ASB3: variants seen among roughly 807,000 people sequenced by gnomAD.
The protein encoded by ASB3 is ankyrin repeat and SOCS box containing 3, also known as ankyrin repeat and SOCS box protein 3.
In ASB3, 41 loss-of-function variants were observed where a neutral mutation model predicts 54.5. The observed-to-expected ratio is 0.75, with a 90% CI of 0.59 to 0.98. ASB3 has a LOEUF of 0.98. Among genes scored for constraint, ASB3 ranks in the 50% least tolerant of loss-of-function variants. The pLI, the probability that ASB3 is intolerant of heterozygous loss-of-function variation, is 0.00. For missense variants in ASB3, 733 were observed against 620.0 expected (o/e 1.18, Z -1.94); for synonymous variants, 266 against 221.2 (o/e 1.20, Z -1.80).
chr2:53,769,640 A>T (rs1673751433), intron 1 of ASB3, among the ~76,000 whole-genome samples: 1 of 152,216 alleles, frequency 6.6e-6, no homozygotes, highest in Admixed American at 6.5e-5. Flanking sequence ...TGAGGTCGGG[A>T]GTTCAACACC....
chr2:53,741,653 G>A (rs1472144037), intron 3 of ASB3, among the ~76,000 whole-genome samples: 1 of 152,060 alleles, frequency 6.6e-6, no homozygotes, highest in African/African-American at 2.4e-5. Flanking sequence ...CCATATACTA[G>A]AATTCAAATT....
At chr2:53,687,852 G>T (rs751195922) in intron 9 of ASB3, among the ~76,000 whole-genome samples, 1 of 152,128 alleles carries the variant, frequency 6.6e-6, no homozygotes, top group African/African-American at 2.4e-5. Flanking sequence ...ATCAGGCTCT[G>T]TCATCCAGGC....
At chr2:53,754,225 C>A (rs1241807168) in intron 2 of ASB3, among the ~76,000 whole-genome samples, 1 of 152,094 alleles carries the variant, frequency 6.6e-6, no homozygotes, top group Non-Finnish European at 1.5e-5. Context: ...ACAATGAGTT[C>A]ATGCAGATAT....
chr2:53,685,340 A>G (rs1195598798), intron 9 of ASB3, among the ~76,000 whole-genome samples: 2 of 152,224 alleles, frequency 1.3e-5, no homozygotes, highest in African/African-American at 4.8e-5. Flanking sequence ...AGAACTGACC[A>G]TATATGGTAA....
At chr2:53,718,193 C>G (rs984715736) in intron 5 of ASB3, among the ~76,000 whole-genome samples, 2 of 152,128 alleles carry the variant, frequency 1.3e-5, no homozygotes, top group Non-Finnish European at 2.9e-5. Context: ...ACAGAGAACT[C>G]TCTGTGAACG....
At chr2:53,753,400 T>C (rs1672635681) in intron 2 of ASB3, among the ~76,000 whole-genome samples, 1 of 152,076 alleles carries the variant, frequency 6.6e-6, no homozygotes, top group African/African-American at 2.4e-5. Flanking sequence ...AGGTTACATA[T>C]AAGGAAAGAG....
In ASB3 at chr2:53,765,543, C is replaced by T. The variant is rs767746282; in HGVS notation, c.30G>A (p.Thr10=). 20 of 1,614,180 alleles carry T rather than the reference C, an allele frequency of 1.2e-5. No individual in the cohort carries two copies. The highest frequency in any genetic ancestry group is 1.2e-4 in the Admixed American group (7 of 60,020). MDFTEAYAD[T]CSTVGLAARE... ...TGGCAGCAAGTCCAACTGTAGAGCA[C>T]GTGTCCGCGTAAGCCTCTGTAAAAT... The change falls in exon 2 of 10, where the codon ACG becomes ACA. Residue 10 remains threonine (T), a synonymous_variant. Transcript: ENST00000263634.
chr2:53,748,152 G>A (rs371024719), intron 3 of ASB3: 1 of 152,112 alleles, frequency 6.6e-6, no homozygotes. Flanking sequence ...ACCCACACAA[G>A]GCTTAGTATA....
At chr2:53,736,002 A>G (rs1428801834) in intron 3 of ASB3, among the ~76,000 whole-genome samples, 5 of 151,840 alleles carry the variant, frequency 3.3e-5, no homozygotes, top group Non-Finnish European at 7.4e-5. Flanking sequence ...ACCTTCTAAA[A>G]AAAAAAAAAA....
At chr2:53,754,261 G>A (rs913647215) in intron 2 of ASB3, among the ~76,000 whole-genome samples, 4 of 152,030 alleles carry the variant, frequency 2.6e-5, no homozygotes, top group African/African-American at 9.7e-5. Flanking sequence ...TAAATTAACG[G>A]GAGAGAAGAG....
chr2:53,716,714 T>G lies in ASB3; in HGVS notation c.634A>C (p.Lys212Gln). ...GANVNCQALD[K>Q]ATPLFIAAQE... ...GCAGCAATGAACAAGGGTGTAGCTT[T>G]GTCCAAGGCTTGACAATTGACATTT... The change falls in exon 6 of 10, where the codon AAA becomes CAA. Residue 212 changes from lysine (K) to glutamine (Q), a missense_variant. Coordinates refer to ENST00000263634, the MANE Select transcript of ASB3 (RefSeq NM_016115.5). The G allele has an allele frequency of 6.2e-7, 1 of 1,613,806 alleles. No homozygotes were observed. The highest frequency in any genetic ancestry group is 8.5e-7 in the Non-Finnish European group (1 of 1,179,790).
chr2:53,710,646 T>G (rs1204935966), intron 7 of ASB3, among the ~76,000 whole-genome samples: 1 of 152,228 alleles, frequency 6.6e-6, no homozygotes, highest in Non-Finnish European at 1.5e-5. Context: ...GCTTTTTGGT[T>G]TGTTTATTTC....
intron 9 of ASB3, among the ~76,000 whole-genome samples, chr2:53,690,644 G>A (rs1355243366): frequency 6.6e-6 from 1 of 151,844 alleles, no homozygotes; most frequent in African/African-American, 2.4e-5. Context: ...CAACAGACAA[G>A]TATCAAATTC....
At chr2:53,674,582 T>G (rs535059640) in intron 9 of ASB3, among the ~76,000 whole-genome samples, 10 of 152,334 alleles carry the variant, frequency 6.6e-5, no homozygotes, top group African/African-American at 1.9e-4. Context: ...ACACCCACTA[T>G]ATTTTCTACA....
chr2:53,776,141 A>T (rs1400681954), intron 1 of ASB3, among the ~76,000 whole-genome samples: 1 of 152,230 alleles, frequency 6.6e-6, no homozygotes, highest in East Asian at 1.9e-4. Flanking sequence ...ATTAGTACAG[A>T]AGTTTTTCAC....
At position 53,705,587 on chromosome 2, in the gene ASB3, G is replaced by A. The variant is rs867183014; in HGVS notation, c.981-5059C>T. Among the ~76,000 whole-genome samples, 14 of 152,116 alleles carry A rather than the reference G, an allele frequency of 9.2e-5. No homozygotes were observed. In the South Asian group the frequency reaches 1.0e-3, roughly 11 times the overall value. ...AGTTTATCCTGTTTGGGTTTAACAG[G>A]CCTCTTAAATCTGTAAATTTATATC... is the stretch of plus-strand genomic sequence containing the variant. On this transcript the variant is annotated intron_variant, in intron 7 of 9. Coordinates refer to ENST00000263634, the MANE Select transcript of ASB3 (RefSeq NM_016115.5).
In ASB3 at chr2:53,765,500, C is replaced by CTT. The variant is rs772845959; in HGVS notation, c.71_72dup (p.Val25LysfsTer3). The CTT allele has an allele frequency of 6.2e-7, 1 of 1,614,220 alleles. No individual in the cohort carries two copies. Among genetic ancestry groups the CTT allele is most frequent in the Non-Finnish European group, 8.5e-7 (1 of 1,180,034 alleles). ...CCCTTTTTGAGCAGTTTCCTTAAGA[C>CTT]TTTAACATTGCCTTCCCTGGCAGCA... On this transcript the variant is annotated frameshift_variant, in exon 2 of 10. Coordinates refer to ENST00000263634, the MANE Select transcript of ASB3 (RefSeq NM_016115.5). LOFTEE classifies it high-confidence loss of function.
At chr2:53,780,434 A>G (rs1391274441) in intron 1 of ASB3, among the ~76,000 whole-genome samples, 1 of 152,182 alleles carries the variant, frequency 6.6e-6, no homozygotes, top group African/African-American at 2.4e-5. Flanking sequence ...TTGGTGGAGA[A>G]ACACACAAGC....
At chr2:53,737,395 T>C (rs1168127027) in intron 3 of ASB3, among the ~76,000 whole-genome samples, 2 of 152,188 alleles carry the variant, frequency 1.3e-5, no homozygotes, top group Non-Finnish European at 2.9e-5. Context: ...GGTTGAAATC[T>C]GCAGGTAAGG....
Sources: gnomAD v4.1 joint callset for allele counts (sites outside exome capture counted in the v4.1 genomes callset) on GRCh38, gnomAD v4.1.1 for gene constraint, MANE v1.5 for transcripts, NCBI Gene and HGNC (gene_info 2026-07-23, HGNC 2026-07-21) for gene names.